SHF: variants seen among roughly 807,000 people sequenced by gnomAD.
SHF encodes SH2 domain-containing adapter protein F.
A neutral mutation model predicts 42.4 loss-of-function variants in SHF; 30 were observed. The observed-to-expected ratio is 0.71, with a 90% CI of 0.53 to 0.96. The LOEUF (loss-of-function observed/expected upper bound fraction) is 0.96. SHF is among the 40% of genes least tolerant of loss of function. The pLI, the probability that SHF is intolerant of heterozygous loss-of-function variation, is 0.00. For missense variants in SHF, 598 were observed against 634.0 expected (o/e 0.94, Z 0.61); for synonymous variants, 264 against 269.9 (o/e 0.98, Z 0.21).
rs750613758 is a variant in SHF at position 45,175,297 on chromosome 15, C to G, written c.769G>C (p.Glu257Gln). ...TCCTCAGGGGGCCTCTCATCATCCT[C>G]TGGCAGGCGGGACTCCCGGGGCCAG... ...APWPRESRLP[E>Q]DDERPPEEYD... The change falls in exon 3 of 7, where the codon GAG becomes CAG. Residue 257 changes from glutamate (E) to glutamine (Q), a missense_variant. Transcript: ENST00000690270. The G allele has an allele frequency of 1.2e-6, 2 of 1,611,328 alleles. No individual in the cohort carries two copies. The highest frequency in any genetic ancestry group is 2.7e-5 in the African/African-American group (2 of 75,004).
At position 45,167,797 on chromosome 15, in the gene SHF, T is replaced by C. The variant is rs1897297839; in HGVS notation, c.*150A>G. 1.4e-6 allele frequency: 1 copy of C among 735,414 alleles called. No homozygotes were observed. Among genetic ancestry groups the C allele is most frequent in the Non-Finnish European group, 2.0e-6 (1 of 504,998 alleles). 45.6% of individuals were successfully genotyped at this position (735,414 alleles called of 1,614,324 possible). A position where few individuals can be genotyped will look rare whatever the true frequency, so the allele number is the denominator to read the frequency against. ...TCCAAGGCCCCAGGAGCCCTTTCCC[T>C]TTAGAATAAATTAAGGAATCTCCAG... On this transcript the variant is annotated 3_prime_UTR_variant, in exon 7 of 7. Transcript: ENST00000690270.
At chr15:45,177,804 C>A (rs1897898417) in intron 2 of SHF, among the ~76,000 whole-genome samples, 1 of 152,208 alleles carries the variant, frequency 6.6e-6, no homozygotes, top group Admixed American at 6.5e-5. Flanking sequence ...TATTTCTAGT[C>A]ATCTTTCTCC....
chr15:45,194,542 G>A (rs1209664805), intron 2 of SHF, among the ~76,000 whole-genome samples: 1 of 152,054 alleles, frequency 6.6e-6, no homozygotes, highest in Non-Finnish European at 1.5e-5. Context: ...AGTAGAGACA[G>A]GGTTTCACCA....
At chr15:45,199,379 G>A (rs138444775) in intron 1 of SHF, among the ~76,000 whole-genome samples, 508 of 152,306 alleles carry the variant, frequency 3.3e-3, no homozygotes, top group Non-Finnish European at 5.7e-3. Context: ...TACACAGCAG[G>A]CAGTGGCTAT....
intron 6 of SHF, among the ~76,000 whole-genome samples, chr15:45,169,291 G>A (rs916086989): frequency 1.3e-5 from 2 of 152,232 alleles, no homozygotes; most frequent in African/African-American, 4.8e-5. Flanking sequence ...AGAGTGGGGA[G>A]GCTGAAGGGA....
At chr15:45,174,951 A>C (rs1897718805) in intron 3 of SHF, among the ~76,000 whole-genome samples, 1 of 152,180 alleles carries the variant, frequency 6.6e-6, no homozygotes, top group Non-Finnish European at 1.5e-5. Context: ...TCCCCAAAAG[A>C]GAGAAGTAGT....
intron 1 of SHF, among the ~76,000 whole-genome samples, chr15:45,180,099 A>C (rs1375214714): frequency 6.6e-6 from 1 of 152,010 alleles, no homozygotes; most frequent in African/African-American, 2.4e-5. Context: ...TTGTGGGATA[A>C]CCACCATCTC....
chr15:45,170,548 A>C lies in SHF; in HGVS notation c.1280+1335T>G, dbSNP rs559878792. ...GTAGAAACCGAGGCTCGGAGATATT[A>C]AGTGATTTCCCTAGGATCACATAGC... On this transcript the variant is annotated intron_variant, in intron 6 of 6. Transcript: ENST00000690270. 73 of 798,390 alleles carry C rather than the reference A, an allele frequency of 9.1e-5. No individual in the cohort carries two copies. In the South Asian group the frequency reaches 1.1e-3, roughly 12 times the overall value. 49.5% of individuals were successfully genotyped at this position (798,390 alleles called of 1,614,324 possible). A position where few individuals can be genotyped will look rare whatever the true frequency, so the allele number is the denominator to read the frequency against.
chr15:45,180,233 G>A (rs981550348), intron 1 of SHF, among the ~76,000 whole-genome samples: 4 of 152,096 alleles, frequency 2.6e-5, no homozygotes, highest in East Asian at 1.9e-4. Flanking sequence ...CTTGATCATC[G>A]CCTATCTCCC....
At chr15:45,200,936 A>C in exon 1 of SHF, 1 of 449,132 alleles carries the variant, frequency 2.2e-6, no homozygotes. Context: ...TTGGTTGCAA[A>C]GCACTTTCAT....
exon 1 of SHF, chr15:45,200,781 T>TAA (rs1333294105): frequency 2.2e-6 from 1 of 456,142 alleles, no homozygotes; most frequent in Admixed American, 2.3e-5. Context: ...TTCCTTCTTG[T>TAA]AAAATTTAAG....
intron 2 of SHF, among the ~76,000 whole-genome samples, chr15:45,193,467 T>TGAGAG (rs1395866883): frequency 6.6e-6 from 1 of 152,114 alleles, no homozygotes; most frequent in Non-Finnish European, 1.5e-5. Flanking sequence ...AATATACATG[T>TGAGAG]GAGAGGAGAG....
At chr15:45,194,854 G>A (rs1011888057) in intron 2 of SHF, among the ~76,000 whole-genome samples, 1 of 152,090 alleles carries the variant, frequency 6.6e-6, no homozygotes, top group African/African-American at 2.4e-5. Context: ...TTTTGAGACA[G>A]GCTATCACTC....
At position 45,167,292 on chromosome 15, in the gene SHF, C is replaced by G. The variant is rs1897277318; in HGVS notation, c.*655G>C. Reference sequence around the variant, plus strand: ...TGCGCTCGCTTCTCCGCTCCCTCCCCCGTCAGCCCGGGGACGGCGCCGGAG... The same window carrying G: ...TGCGCTCGCTTCTCCGCTCCCTCCCGCGTCAGCCCGGGGACGGCGCCGGAG... On this transcript the variant is annotated 3_prime_UTR_variant, in exon 7 of 7. Transcript: ENST00000690270. 1 of 152,354 alleles carries G rather than the reference C, an allele frequency of 6.6e-6. No homozygotes were observed. 9.4% of individuals were successfully genotyped at this position (152,354 alleles called of 1,614,324 possible). A position where few individuals can be genotyped will look rare whatever the true frequency, so the allele number is the denominator to read the frequency against.
intron 1 of SHF, 21 bp from the exon 2 acceptor site, chr15:45,178,327 G>A: frequency 2.5e-6 from 4 of 1,608,386 alleles, no homozygotes; most frequent in Non-Finnish European, 3.4e-6. Context: ...AGAGTGAAGA[G>A]AGTGGGCTTC....
At chr15:45,179,387 T>C (rs1898001903) in intron 1 of SHF, among the ~76,000 whole-genome samples, 1 of 152,194 alleles carries the variant, frequency 6.6e-6, no homozygotes, top group South Asian at 2.1e-4. Context: ...GGGACAGACC[T>C]GAAGTTGTGC....
intron 1 of SHF, among the ~76,000 whole-genome samples, chr15:45,185,984 T>C (rs1170310665): frequency 1.3e-5 from 2 of 152,164 alleles, no homozygotes; most frequent in African/African-American, 2.4e-5. Flanking sequence ...CAAGCCACTG[T>C]AGAGAGGAGA....
intron 1 of SHF, 78 bp from the exon 2 acceptor site, chr15:45,178,384 G>A (rs1384497304): frequency 6.6e-6 from 10 of 1,512,466 alleles, no homozygotes; most frequent in Non-Finnish European, 8.9e-6. Flanking sequence ...CTCTGTCCAT[G>A]GGAGCAAGAG....
intron 1 of SHF, 138 bp downstream of exon 1, chr15:45,187,316 A>C (rs562798045): frequency 1.2e-6 from 1 of 827,196 alleles, no homozygotes; most frequent in South Asian, 6.4e-5. Flanking sequence ...AAGGCTCGGA[A>C]CCCCGGGGTC....
Sources: gnomAD v4.1 joint callset for allele counts (sites outside exome capture counted in the v4.1 genomes callset) on GRCh38, gnomAD v4.1.1 for gene constraint, MANE v1.5 for transcripts, NCBI Gene and HGNC (gene_info 2026-07-23, HGNC 2026-07-21) for gene names.